WDFY4: variants seen among roughly 807,000 people sequenced by gnomAD.
The protein encoded by WDFY4 is WDFY family member 4.
In WDFY4, 169 loss-of-function variants were observed where a neutral mutation model predicts 351.9. The ratio of observed to expected loss-of-function variants is 0.48; its 90% CI spans 0.42 to 0.55. The LOEUF is 0.55. WDFY4 is among the 20% of genes least tolerant of loss of function. The pLI is 0.00. For missense variants in WDFY4, 3,803 were observed against 3,935.6 expected (o/e 0.97, Z 0.90); for synonymous variants, 1,622 against 1,574.6 (o/e 1.03, Z -0.71).
chr10:48,831,925 T>C (rs2068203917), intron 38 of WDFY4, among the ~76,000 whole-genome samples: 1 of 152,246 alleles, frequency 6.6e-6, no homozygotes, highest in African/African-American at 2.4e-5. Flanking sequence ...AACCCTCATA[T>C]TTTAATCACC....
Position 48,867,360 on chromosome 10 carries a change from G to A in WDFY4, c.6741+18G>A, listed in dbSNP as rs2069585791. ...ATGTGCAAGTAAGAAACAAAACATA[G>A]GCTTTCTCTATACAGCAAGCTGGAA... On this transcript the variant is annotated intron_variant, in intron 40 of 61. Transcript: ENST00000325239. The A allele has an allele frequency of 6.9e-7, 1 of 1,448,784 alleles. No homozygotes were observed. Among genetic ancestry groups the A allele is most frequent in the African/African-American group, 1.4e-5 (1 of 69,290 alleles). 89.7% of individuals were successfully genotyped at this position (1,448,784 alleles called of 1,614,324 possible).
intron 7 of WDFY4, among the ~76,000 whole-genome samples, chr10:48,728,819 G>A (rs1199973985): frequency 1.3e-5 from 2 of 152,238 alleles, no homozygotes. Context: ...CAGAATTCTT[G>A]TGGAAGGCAG....
At chr10:48,779,863 G>T in intron 18 of WDFY4, 78 bp from the exon 19 acceptor site, 4 of 1,505,832 alleles carry the variant, frequency 2.7e-6, no homozygotes, top group Middle Eastern at 4.7e-4. Context: ...GTTGACGTCC[G>T]CCTATGCCCT....
At chr10:48,847,389 A>G (rs977001081) in intron 39 of WDFY4, among the ~76,000 whole-genome samples, 5 of 152,206 alleles carry the variant, frequency 3.3e-5, no homozygotes, top group Non-Finnish European at 5.9e-5. Context: ...ATTGGGGGGA[A>G]CATGGTTTAG....
chr10:48,750,772 G>A (rs527840544), intron 12 of WDFY4, among the ~76,000 whole-genome samples: 4 of 152,228 alleles, frequency 2.6e-5, no homozygotes, highest in Non-Finnish European at 5.9e-5. Context: ...GCTAATAAAG[G>A]CACTGTACAT....
rs939982124 is a variant in WDFY4 at position 48,698,946 on chromosome 10, G to A, written c.-17-10770G>A. ...CTCAGGGAAGGGTTGCCGTGAGTCC[G>A]AAATCAGTCCGCTGGCAACTCTGGA... On this transcript the variant is annotated intron_variant, in intron 1 of 61. Transcript: ENST00000325239. 1.2e-4 allele frequency among the ~76,000 whole-genome samples: 18 copies of A among 152,290 alleles called. 1 individual carries two copies. The highest frequency in any genetic ancestry group is 3.4e-3 in the Middle Eastern group (1 of 294).
chr10:48,978,731 G>A lies in WDFY4; in HGVS notation c.9376+338G>A, dbSNP rs539433581. On this transcript the variant is annotated intron_variant, in intron 60 of 61. Coordinates refer to ENST00000325239, the MANE Select transcript of WDFY4 (RefSeq NM_001394531.1). Reference sequence around the variant, plus strand: ...CATCCATCACAGCTGTCCAGTCCCCGCCCCCATCATTACCTCCTCCAGCTC... The same window carrying A: ...CATCCATCACAGCTGTCCAGTCCCCACCCCCATCATTACCTCCTCCAGCTC... The A allele has an allele frequency of 9.7e-5, 20 of 206,864 alleles. No homozygotes were observed. The East Asian group carries it at 1.3e-3, about 13-fold the overall frequency. 12.8% of individuals were successfully genotyped at this position (206,864 alleles called of 1,614,324 possible).
intron 35 of WDFY4, among the ~76,000 whole-genome samples, chr10:48,825,649 TGACTGGCATGA>T (rs2067967469): frequency 6.6e-6 from 1 of 152,234 alleles, no homozygotes. Flanking sequence ...ATCGCCATTC[TGACTGGCATGA>T]GATAGTATCT....
At chr10:48,749,591 A>G (rs554418915) in intron 12 of WDFY4, among the ~76,000 whole-genome samples, 2 of 152,308 alleles carry the variant, frequency 1.3e-5, no homozygotes, top group Admixed American at 6.5e-5. Flanking sequence ...ACCCCTCAGC[A>G]GCACATCATC....
At chr10:48,859,134 T>G (rs1220280300) in intron 39 of WDFY4, among the ~76,000 whole-genome samples, 1 of 152,182 alleles carries the variant, frequency 6.6e-6, no homozygotes, top group Non-Finnish European at 1.5e-5. Flanking sequence ...TGTAAATACC[T>G]TAGGAATTCA....
chr10:48,803,168 T>C, intron 24 of WDFY4, 118 bp from the exon 25 acceptor site: 2 of 944,934 alleles, frequency 2.1e-6, no homozygotes, highest in Non-Finnish European at 1.6e-6. Context: ...AGCTGGTACA[T>C]CATGTTGATG....
intron 4 of WDFY4, 106 bp downstream of exon 4, chr10:48,721,473 A>G (rs1158794898): frequency 1.9e-6 from 2 of 1,030,064 alleles, no homozygotes; most frequent in Non-Finnish European, 2.9e-6. Flanking sequence ...TTCGTTTCAT[A>G]AAACAGGTTT....
At chr10:48,841,949 G>A (rs1181490188) in intron 39 of WDFY4, among the ~76,000 whole-genome samples, 3 of 152,108 alleles carry the variant, frequency 2.0e-5, no homozygotes, top group African/African-American at 7.2e-5. Flanking sequence ...CTAGTTCAGT[G>A]GATGTGATGT....
At chr10:48,837,008 C>G (rs1402390478) in intron 39 of WDFY4, among the ~76,000 whole-genome samples, 4 of 152,076 alleles carry the variant, frequency 2.6e-5, no homozygotes, top group Non-Finnish European at 4.4e-5. Flanking sequence ...GACAGGTACA[C>G]CATGGCAATG....
At chr10:48,771,213 C>A (rs971142732) in intron 13 of WDFY4, among the ~76,000 whole-genome samples, 5 of 152,156 alleles carry the variant, frequency 3.3e-5, no homozygotes, top group African/African-American at 1.2e-4. Flanking sequence ...ACATTTTAAT[C>A]CTTGAAACAT....
intron 36 of WDFY4, 41 bp from the exon 37 acceptor site, chr10:48,828,737 G>T: frequency 8.1e-7 from 1 of 1,237,946 alleles, no homozygotes. Flanking sequence ...CAAGGAAACT[G>T]GAATTTATTG....
chr10:48,780,203 T>A, intron 19 of WDFY4, 84 bp downstream of exon 19: 1 of 1,468,326 alleles, frequency 6.8e-7, no homozygotes, highest in Non-Finnish European at 9.2e-7. Context: ...TCATTCTATG[T>A]TTTTGTTGTT....
chr10:48,897,350 G>A (rs1343561432), intron 44 of WDFY4, 104 bp from the exon 45 acceptor site: 2 of 1,462,268 alleles, frequency 1.4e-6, no homozygotes, highest in East Asian at 5.0e-5. Flanking sequence ...ATGTGTCATT[G>A]GAAATGTGGG....
intron 42 of WDFY4, 141 bp downstream of exon 42, chr10:48,875,281 T>G (rs2069952675): frequency 1.3e-5 from 5 of 389,858 alleles, no homozygotes; most frequent in Non-Finnish European, 2.1e-5. Flanking sequence ...GTTACTGCAC[T>G]TCCAGAGAGA....
Sources: allele counts gnomAD v4.1 joint callset (sites outside exome capture counted in the v4.1 genomes callset), GRCh38; gene constraint gnomAD v4.1.1; transcripts MANE v1.5; gene names NCBI Gene and HGNC (gene_info 2026-07-23, HGNC 2026-07-21).